ADGRD1: variants seen among roughly 807,000 people sequenced by gnomAD.
ADGRD1 encodes adhesion G protein-coupled receptor D1.
ADGRD1 carries 77 observed loss-of-function variants against 113.4 expected under a neutral mutation model. That is an observed-to-expected ratio of 0.68 (90% CI 0.57 to 0.82). ADGRD1 has a LOEUF of 0.82. ADGRD1 is among the 40% of genes least tolerant of loss of function. The pLI is 0.00. For missense variants in ADGRD1, 1,036 were observed against 1,139.1 expected, an observed-to-expected ratio of 0.91 and a Z score of 1.30; for synonymous variants, 474 against 475.0, an observed-to-expected ratio of 1.00 and a Z score of 0.03.
chr12:130,969,092 T>C, intron 3 of ADGRD1: 5 of 1,345,932 alleles, frequency 3.7e-6, no homozygotes, highest in Non-Finnish European at 5.1e-6. Context: ...TATGTACTTT[T>C]GTTCTTCGTT....
At chr12:130,987,584 G>A in intron 6 of ADGRD1, 3 of 571,550 alleles carry the variant, frequency 5.2e-6, no homozygotes. Flanking sequence ...GATCATCACG[G>A]GGTTTCAAGG....
At chr12:131,082,950 C>T (rs867185174) in intron 14 of ADGRD1, among the ~76,000 whole-genome samples, 10 of 152,234 alleles carry the variant, frequency 6.6e-5, no homozygotes, top group Non-Finnish European at 1.3e-4. Context: ...GTCGGAAAGA[C>T]CGTCCCAACC....
chr12:131,036,904 C>T (rs1036611662), intron 13 of ADGRD1, among the ~76,000 whole-genome samples: 2 of 147,216 alleles, frequency 1.4e-5, no homozygotes, highest in Non-Finnish European at 3.0e-5. Flanking sequence ...ACTCACTGCA[C>T]TGAGCCTCAC....
chr12:131,070,011 G>A (rs1241762135), intron 13 of ADGRD1: 1 of 152,194 alleles, frequency 6.6e-6, no homozygotes, highest in Non-Finnish European at 1.5e-5. Context: ...ACGACGATCC[G>A]ATGTGGAGGT....
chr12:131,042,667 C>T (rs1335454404), intron 13 of ADGRD1, among the ~76,000 whole-genome samples: 1 of 152,210 alleles, frequency 6.6e-6, no homozygotes, highest in African/African-American at 2.4e-5. Flanking sequence ...GGTGGGGTCA[C>T]AGGCGCTGCG....
chr12:131,085,645 T>C (rs1038131829), intron 15 of ADGRD1, among the ~76,000 whole-genome samples: 8 of 152,170 alleles, frequency 5.3e-5, no homozygotes, highest in Non-Finnish European at 1.0e-4. Flanking sequence ...CACACTCACG[T>C]CTGTCGGTTG....
At position 131,113,836 on chromosome 12, in the gene ADGRD1, T is replaced by C. The variant is rs1173335895; in HGVS notation, c.2042-4549T>C. On this transcript the variant is annotated intron_variant, in intron 18 of 24. Coordinates refer to ENST00000261654, the MANE Select transcript of ADGRD1 (RefSeq NM_198827.5). This position sits in a 1 kb window ranked among gnomAD's most constrained non-coding sequence, Gnocchi z 4.9. ...CACGCATGACCTGCTTCTTCAGGCC[T>C]CTGTGACGCCCCAGAGAGGAGAGCT... 6.6e-6 allele frequency among the ~76,000 whole-genome samples: 1 copy of C among 152,232 alleles called. No individual in the cohort carries two copies. Among genetic ancestry groups the C allele is most frequent in the Non-Finnish European group, 1.5e-5 (1 of 68,034 alleles).
In ADGRD1 at chr12:130,965,530, G is replaced by A. The variant is rs376631119; in HGVS notation, c.104-933G>A. Among the ~76,000 whole-genome samples the A allele has an allele frequency of 4.7e-4, 71 of 152,082 alleles. No individual in the cohort carries two copies. In the East Asian group the frequency reaches 7.5e-3, roughly 16 times the overall value. On this transcript the variant is annotated intron_variant, in intron 2 of 24. Coordinates refer to ENST00000261654, the MANE Select transcript of ADGRD1 (RefSeq NM_198827.5). The surrounding 1 kb of genome is among the most constrained non-coding windows in gnomAD (Gnocchi z 4.8). The stretch of plus-strand genomic sequence containing the variant: ...AATGAATCCCAGAGGACTAATCCCC[G>A]AGAAGACTAAAATTGTATGCATAAA...
At chr12:131,040,851 C>T (rs1352655942) in intron 13 of ADGRD1, among the ~76,000 whole-genome samples, 30 of 152,232 alleles carry the variant, frequency 2.0e-4, no homozygotes, top group Admixed American at 2.0e-3. Flanking sequence ...CTGCAGGTGA[C>T]CCAAACACTG....
Position 131,075,390 on chromosome 12 carries a change from C to T in ADGRD1, c.1474-1411C>T, listed in dbSNP as rs929807650. 6.6e-6 allele frequency among the ~76,000 whole-genome samples: 1 copy of T among 152,018 alleles called. No homozygotes were observed. Among genetic ancestry groups the T allele is most frequent in the Non-Finnish European group, 1.5e-5 (1 of 67,990 alleles). On this transcript the variant is annotated intron_variant, in intron 13 of 24. Coordinates refer to ENST00000261654, the MANE Select transcript of ADGRD1 (RefSeq NM_198827.5). This position sits in a 1 kb window ranked among gnomAD's most constrained non-coding sequence, Gnocchi z 5.3. ...CCTGGTGGCTGCAGGACACAGGGCC[C>T]TCTGTTGTCTGTGCAAGAGTTCACA...
At chr12:131,115,305 G>C (rs1452093682) in intron 18 of ADGRD1, among the ~76,000 whole-genome samples, 1 of 152,198 alleles carries the variant, frequency 6.6e-6, no homozygotes, top group African/African-American at 2.4e-5. Flanking sequence ...GAAATCATGT[G>C]CTCAGCCCAT....
In ADGRD1 at chr12:131,070,937, T is replaced by C. The variant is rs1325490342; in HGVS notation, c.1474-5864T>C. 3 of 518,552 alleles carry C rather than the reference T, an allele frequency of 5.8e-6. No homozygotes were observed. In the African/African-American group the frequency reaches 5.8e-5, roughly 10 times the overall value. 32.1% of individuals were successfully genotyped at this position (518,552 alleles called of 1,614,324 possible). A position where few individuals can be genotyped will look rare whatever the true frequency, so the allele number is the denominator to read the frequency against. On this transcript the variant is annotated intron_variant, in intron 13 of 24. Transcript: ENST00000261654. Reference sequence around the variant, plus strand: ...GTGGAGAAGAGTCCTGGGGTCAGAGTGGGCCTGAGAAGGGGCTGTGGGCTG... The same window carrying C: ...GTGGAGAAGAGTCCTGGGGTCAGAGCGGGCCTGAGAAGGGGCTGTGGGCTG...
chr12:131,111,110 T>TC, intron 18 of ADGRD1, among the ~76,000 whole-genome samples: 1 of 152,204 alleles, frequency 6.6e-6, no homozygotes, highest in Admixed American at 6.5e-5. Context: ...TTTTTTTTTC[T>TC]TTTTGAGACA....
At chr12:131,002,332 C>T (rs1876489127) in intron 9 of ADGRD1, among the ~76,000 whole-genome samples, 1 of 152,234 alleles carries the variant, frequency 6.6e-6, no homozygotes, top group African/African-American at 2.4e-5. Context: ...GCCAGAAACA[C>T]AGACTTCCAT....
At chr12:131,136,359 G>A (rs1593279471) in intron 22 of ADGRD1, among the ~76,000 whole-genome samples, 196 bp downstream of exon 22, 1 of 152,230 alleles carries the variant, frequency 6.6e-6, no homozygotes, top group African/African-American at 2.4e-5. Flanking sequence ...CTTCAGGGCG[G>A]GGCTGCCTAT....
chr12:131,138,254 G>A (rs369177694), intron 24 of ADGRD1, 25 bp downstream of exon 24: 19 of 1,598,172 alleles, frequency 1.2e-5, no homozygotes, highest in Non-Finnish European at 1.5e-5. Flanking sequence ...CATAAACCGA[G>A]GGTCCCAGCC....
At chr12:131,017,555 CTCCACACACTCAG>C (rs1293646931) in intron 13 of ADGRD1, among the ~76,000 whole-genome samples, 4 of 141,958 alleles carry the variant, frequency 2.8e-5, no homozygotes, top group Non-Finnish European at 6.2e-5. Context: ...CACACACTCA[CTCCACACACTCAG>C]TCCACACACA....
chr12:131,130,984 G>C (rs761352262), intron 20 of ADGRD1, among the ~76,000 whole-genome samples: 1 of 152,180 alleles, frequency 6.6e-6, no homozygotes, highest in Admixed American at 6.5e-5. Flanking sequence ...CTCTGTACAC[G>C]GCCTCAGAAT....
chr12:131,003,397 A>ATGCTCTGTCTCCCTGAC lies in ADGRD1; in HGVS notation c.1144+103_1144+119dup, dbSNP rs1876648163. 2.3e-6 allele frequency: 2 copies of ATGCTCTGTCTCCCTGAC among 885,192 alleles called. No homozygotes were observed. The highest frequency in any genetic ancestry group is 1.7e-5 in the Admixed American group (1 of 57,354). 54.8% of individuals were successfully genotyped at this position (885,192 alleles called of 1,614,324 possible). Reference sequence around the variant, plus strand: ...CTTTTTACACCCTTAGCAGAGAGCCATGCTCTGTCTCCCTGACTGCTCTGC... The same window carrying ATGCTCTGTCTCCCTGAC: ...CTTTTTACACCCTTAGCAGAGAGCCATGCTCTGTCTCCCTGACTGCTCTGTCTCCCTGACTGCTCTGC... On this transcript the variant is annotated intron_variant, in intron 10 of 24. Transcript: ENST00000261654. This position sits in a 1 kb window ranked among gnomAD's most constrained non-coding sequence, Gnocchi z 4.8.
Sources: allele counts gnomAD v4.1 joint callset (sites outside exome capture counted in the v4.1 genomes callset), GRCh38; gene constraint gnomAD v4.1.1; non-coding constraint Gnocchi (gnomAD v3.1); transcripts MANE v1.5; gene names NCBI Gene and HGNC (gene_info 2026-07-23, HGNC 2026-07-21).